The following WDR12 variants were observed in gnomAD, a reference collection of about 807,000 sequenced individuals.
WDR12 encodes the protein ribosome biogenesis protein WDR12.
A neutral mutation model predicts 64.3 loss-of-function variants in WDR12; 42 were observed. The ratio of observed to expected loss-of-function variants is 0.65; its 90% CI spans 0.51 to 0.84. WDR12 has a LOEUF of 0.84. Ranked by LOEUF, WDR12 falls within the 40% of genes least tolerant of loss-of-function variation. The pLI, the probability that WDR12 is intolerant of heterozygous loss-of-function variation, is 0.00. For synonymous variants in WDR12, 158 were observed against 173.3 expected, an observed-to-expected ratio of 0.91 and a Z score of 0.70; for missense variants, 469 against 494.6, an observed-to-expected ratio of 0.95 and a Z score of 0.49.
In WDR12 at chr2:202,874,972, A is replaced by G. The variant is rs1238598111; in HGVS notation, c.*5888T>C. 2 of 152,180 alleles carry G rather than the reference A, an allele frequency of 1.3e-5. No homozygotes were observed. The highest frequency in any genetic ancestry group is 2.9e-5 in the Non-Finnish European group (2 of 68,032). The allele number at this position is 152,180 out of a possible 1,614,324, so 9.4% of individuals were successfully genotyped here. ...TATTAAGTCTCAGCCATGTTATTAC[A>G]CTTTCACCAACTATACATAGAATTG... On this transcript the variant is annotated 3_prime_UTR_variant, in exon 13 of 13. Coordinates refer to ENST00000261015, the MANE Select transcript of WDR12 (RefSeq NM_018256.4).
chr2:202,905,279 G>A (rs1688433419), intron 2 of WDR12, among the ~76,000 whole-genome samples: 1 of 152,198 alleles, frequency 6.6e-6, no homozygotes, highest in South Asian at 2.1e-4. Flanking sequence ...CTGAGTAGCT[G>A]GGTTTACAGG....
chr2:202,882,854 T>G, intron 11 of WDR12, 71 bp from the exon 12 acceptor site: 1 of 1,496,496 alleles, frequency 6.7e-7, no homozygotes, highest in Non-Finnish European at 9.3e-7. Flanking sequence ...TAATCACTTA[T>G]ACTTATCTGA....
chr2:202,880,829 A>G lies in WDR12; in HGVS notation c.*31T>C. On this transcript the variant is annotated 3_prime_UTR_variant, in exon 13 of 13. Transcript: ENST00000261015. ...TTCTCTACCAATTTCATTTACAGAA[A>G]TAATCTCTATAGTCAAATTATTGTT... The G allele has an allele frequency of 6.3e-7, 1 of 1,585,890 alleles. No individual in the cohort carries two copies. The highest frequency in any genetic ancestry group is 8.6e-7 in the Non-Finnish European group (1 of 1,164,220).
intron 10 of WDR12, 179 bp downstream of exon 10, chr2:202,884,019 G>T: frequency 1.5e-6 from 1 of 670,360 alleles, no homozygotes. Context: ...CTCTATGTTG[G>T]CCAGGCTGAT....
At chr2:202,895,458 T>A (rs935449447) in intron 6 of WDR12, among the ~76,000 whole-genome samples, 2 of 152,070 alleles carry the variant, frequency 1.3e-5, no homozygotes, top group Non-Finnish European at 2.9e-5. Flanking sequence ...TGGAAATATG[T>A]CAATTACTAT....
intron 5 of WDR12, among the ~76,000 whole-genome samples, chr2:202,897,041 A>C (rs987879669): frequency 1.3e-5 from 2 of 152,122 alleles, no homozygotes; most frequent in Non-Finnish European, 2.9e-5. Flanking sequence ...GAAGAAAATA[A>C]AAGATGAATG....
At chr2:202,906,640 G>A (rs1459355832) in intron 2 of WDR12, among the ~76,000 whole-genome samples, 3 of 152,138 alleles carry the variant, frequency 2.0e-5, no homozygotes, top group Non-Finnish European at 4.4e-5. Flanking sequence ...CAGGAGGGTG[G>A]ATCACCTGAG....
intron 12 of WDR12, among the ~76,000 whole-genome samples, chr2:202,881,387 A>G (rs1687945779): frequency 6.6e-6 from 1 of 152,194 alleles, no homozygotes; most frequent in Admixed American, 6.5e-5. Flanking sequence ...CTTTAAACAC[A>G]TTTTATAATG....
intron 12 of WDR12, 84 bp from the exon 13 acceptor site, chr2:202,881,021 T>C: frequency 8.4e-7 from 1 of 1,195,184 alleles, no homozygotes; most frequent in Non-Finnish European, 1.1e-6. Context: ...TAAATACTAA[T>C]GATTTTCATT....
chr2:202,888,867 C>G (rs777331940), intron 8 of WDR12, among the ~76,000 whole-genome samples: 10 of 152,066 alleles, frequency 6.6e-5, no homozygotes, highest in Non-Finnish European at 1.2e-4. Flanking sequence ...TGCACACTAC[C>G]ATGCCTGGCT....
In WDR12 at chr2:202,876,927, T is replaced by C. The variant is rs1359404262; in HGVS notation, c.*3933A>G. On this transcript the variant is annotated 3_prime_UTR_variant, in exon 13 of 13. Coordinates refer to ENST00000261015, the MANE Select transcript of WDR12 (RefSeq NM_018256.4). ...GCTTGGGCAACATAGTGAGACCCTG[T>C]CTCTAAAAAATGAACAAAAATAAAA... 6.6e-6 allele frequency: 1 copy of C among 152,462 alleles called. No homozygotes were observed. Among genetic ancestry groups the C allele is most frequent in the Non-Finnish European group, 1.5e-5 (1 of 68,034 alleles). The allele number at this position is 152,462 out of a possible 1,614,324, so 9.4% of individuals were successfully genotyped here.
chr2:202,894,685 A>T lies in WDR12; in HGVS notation c.610-59T>A, dbSNP rs930811928. The T allele has an allele frequency of 8.4e-6, 12 of 1,423,606 alleles. No individual in the cohort carries two copies. The East Asian group carries it at 2.2e-4, about 26-fold the overall frequency. 88.2% of individuals were successfully genotyped at this position (1,423,606 alleles called of 1,614,324 possible). ...GTAATATGATTCATATTATTTGCCT[A>T]CAACAGTAGGTCTCTTCCTCATTCA... On this transcript the variant is annotated intron_variant, in intron 6 of 12. Transcript: ENST00000261015.
intron 11 of WDR12, 110 bp from the exon 12 acceptor site, chr2:202,882,893 C>T: frequency 2.2e-6 from 2 of 904,000 alleles, no homozygotes; most frequent in South Asian, 3.6e-5. Flanking sequence ...CAACCTTGCC[C>T]CAATAACCAC....
chr2:202,895,686 C>CTAA (rs1553541673), intron 6 of WDR12, among the ~76,000 whole-genome samples: 4 of 98,900 alleles, frequency 4.0e-5, no homozygotes, highest in Non-Finnish European at 8.1e-5. Context: ...CCATGCCCGG[C>CTAA]TTATTTTTTT....
chr2:202,895,249 C>A (rs1385845735), intron 6 of WDR12, among the ~76,000 whole-genome samples: 1 of 152,098 alleles, frequency 6.6e-6, no homozygotes, highest in African/African-American at 2.4e-5. Flanking sequence ...GATTTATAAC[C>A]CTTCATATTA....
At position 202,882,706 on chromosome 2, in the gene WDR12, C is replaced by A. The variant is rs1433753207; in HGVS notation, c.1194+5G>T. 1 of 1,612,588 alleles carries A rather than the reference C, an allele frequency of 6.2e-7. No individual in the cohort carries two copies. The highest frequency in any genetic ancestry group is 8.5e-7 in the Non-Finnish European group (1 of 1,178,822). On this transcript the variant is annotated splice_donor_5th_base_variant and intron_variant, in intron 12 of 12. Coordinates refer to ENST00000261015, the MANE Select transcript of WDR12 (RefSeq NM_018256.4). ...CTCTTCATCAAATAACTAATAAATT[C>A]TTACCCCTGTGTCTGTCCAGTCTAC...
At chr2:202,891,618 T>G (rs1447629850) in intron 8 of WDR12, among the ~76,000 whole-genome samples, 1 of 152,218 alleles carries the variant, frequency 6.6e-6, no homozygotes, top group Non-Finnish European at 1.5e-5. Context: ...GATAAATAAT[T>G]TATGATCCCA....
intron 7 of WDR12, 131 bp downstream of exon 7, chr2:202,894,450 G>T: frequency 1.5e-6 from 1 of 669,820 alleles, no homozygotes; most frequent in Non-Finnish European, 2.5e-6. Flanking sequence ...TTGAACTCGT[G>T]GCCTCAAGTG....
intron 2 of WDR12, among the ~76,000 whole-genome samples, chr2:202,905,055 G>A (rs777243877): frequency 6.6e-6 from 1 of 152,212 alleles, no homozygotes; most frequent in African/African-American, 2.4e-5. Flanking sequence ...TGGCAAACAG[G>A]TAAATGAAAG....
Sources: allele counts gnomAD v4.1 joint callset (sites outside exome capture counted in the v4.1 genomes callset), GRCh38; gene constraint gnomAD v4.1.1; transcripts MANE v1.5; gene names NCBI Gene and HGNC (gene_info 2026-07-23, HGNC 2026-07-21).